POU2AF2: variants seen among roughly 807,000 people sequenced by gnomAD.
The protein encoded by POU2AF2 is POU domain class 2-associating factor 2.
At chr11:111,268,823 C>T in the POU2AF2 span, among the ~76,000 whole-genome samples, 6 of 152,028 alleles carry the variant, frequency 3.9e-5, no homozygotes, top group African/African-American at 1.2e-4. Context: ...GCCGGGATTA[C>T]AGACATGAGC....
At chr11:111,276,453 A>AAAAAAAAAAAATAT in the POU2AF2 span, among the ~76,000 whole-genome samples, 3 of 37,672 alleles carry the variant, frequency 8.0e-5, no homozygotes, top group African/African-American at 1.9e-4. Context: ...AAAAAAAAAA[A>AAAAAAAAAAAATAT]ATATATATAT....
the POU2AF2 span, among the ~76,000 whole-genome samples, chr11:111,264,620 GAGAAGAAAGAAAGAGA>G: frequency 1.4e-5 from 1 of 69,464 alleles, no homozygotes; most frequent in Non-Finnish European, 3.3e-5. Flanking sequence ...AAGAAAGAAA[GAGAAGAAAGAAAGAGA>G]AAGAAAGAGA....
chr11:111,270,933 C>A, the POU2AF2 span, among the ~76,000 whole-genome samples: 3 of 152,178 alleles, frequency 2.0e-5, no homozygotes, highest in Non-Finnish European at 2.9e-5. Context: ...TCACCTATAA[C>A]AACCCATACA....
chr11:111,276,454 A>AAAAATATATATATATG, the POU2AF2 span, among the ~76,000 whole-genome samples: 1 of 19,070 alleles, frequency 5.2e-5, no homozygotes, highest in Non-Finnish European at 1.2e-4. Context: ...AAAAAAAAAA[A>AAAAATATATATATATG]TATATATATA....
At chr11:111,264,500 GAAA>G in the POU2AF2 span, among the ~76,000 whole-genome samples, 6 of 7,168 alleles carry the variant, frequency 8.4e-4, no homozygotes, top group African/African-American at 2.5e-3. Flanking sequence ...ACGAAAGAAA[GAAA>G]GAAAGAAAGA....
the POU2AF2 span, among the ~76,000 whole-genome samples, chr11:111,253,694 C>G: frequency 6.6e-6 from 1 of 152,190 alleles, no homozygotes; most frequent in East Asian, 1.9e-4. Context: ...ATCAAACCAA[C>G]ATCACTGTCT....
At chr11:111,275,863 C>G in the POU2AF2 span, among the ~76,000 whole-genome samples, 6 of 151,920 alleles carry the variant, frequency 3.9e-5, no homozygotes, top group African/African-American at 1.2e-4. Context: ...TATAAAAATT[C>G]AATGTGTGAG....
chr11:111,280,439 G>A, the POU2AF2 span, among the ~76,000 whole-genome samples: 5 of 152,086 alleles, frequency 3.3e-5, no homozygotes, highest in Non-Finnish European at 7.4e-5. Context: ...TACTAAATGC[G>A]AAATTCCAGA....
At chr11:111,257,821 T>C in the POU2AF2 span, among the ~76,000 whole-genome samples, 1 of 152,062 alleles carries the variant, frequency 6.6e-6, no homozygotes, top group African/African-American at 2.4e-5. Flanking sequence ...GGGTGTGTGA[T>C]AAAAATATCA....
At chr11:111,263,026 T>G in the POU2AF2 span, among the ~76,000 whole-genome samples, 1 of 152,216 alleles carries the variant, frequency 6.6e-6, no homozygotes, top group African/African-American at 2.4e-5. Context: ...GATACTTAGT[T>G]ACTTTTTGTG....
chr11:111,252,346 A>G, the POU2AF2 span, among the ~76,000 whole-genome samples: 2 of 152,274 alleles, frequency 1.3e-5, no homozygotes, highest in African/African-American at 2.4e-5. Flanking sequence ...GCCCCACCCT[A>G]GGGTTTCTGA....
the POU2AF2 span, among the ~76,000 whole-genome samples, chr11:111,262,249 T>C: frequency 6.6e-6 from 1 of 152,130 alleles, no homozygotes; most frequent in Non-Finnish European, 1.5e-5. Flanking sequence ...ATGGGAAATT[T>C]TGGGGGAACA....
At chr11:111,246,603 T>C in the POU2AF2 span, among the ~76,000 whole-genome samples, 2 of 152,334 alleles carry the variant, frequency 1.3e-5, no homozygotes, top group South Asian at 2.1e-4. Flanking sequence ...CAAAGTCTGA[T>C]CTCAAAAGGT....
chr11:111,285,914 T>C, the POU2AF2 span: 8 of 1,613,748 alleles, frequency 5.0e-6, no homozygotes, highest in Non-Finnish European at 6.8e-6. Flanking sequence ...CATGACGGTG[T>C]CAAATGACCT....
chr11:111,275,840 A>T, the POU2AF2 span, among the ~76,000 whole-genome samples: 2 of 152,236 alleles, frequency 1.3e-5, no homozygotes, highest in Non-Finnish European at 2.9e-5. Flanking sequence ...ATAAAAAAAT[A>T]TAAAATCATG....
chr11:111,267,071 AC>A, the POU2AF2 span, among the ~76,000 whole-genome samples: 2 of 152,160 alleles, frequency 1.3e-5, no homozygotes, highest in Admixed American at 1.3e-4. Context: ...GTGCCTGTAG[AC>A]TGTTCAAGAG....
the POU2AF2 span, among the ~76,000 whole-genome samples, chr11:111,260,627 A>C: frequency 6.6e-6 from 1 of 152,144 alleles, no homozygotes; most frequent in Non-Finnish European, 1.5e-5. Flanking sequence ...AGGAATATCT[A>C]CCAGTAGCCA....
the POU2AF2 span, among the ~76,000 whole-genome samples, chr11:111,273,052 C>T: frequency 6.6e-6 from 1 of 152,128 alleles, no homozygotes; most frequent in African/African-American, 2.4e-5. Context: ...AAATATATAA[C>T]TCAGATAAGT....
chr11:111,260,434 G>A, the POU2AF2 span, among the ~76,000 whole-genome samples: 1 of 152,150 alleles, frequency 6.6e-6, no homozygotes, highest in Non-Finnish European at 1.5e-5. Context: ...AGTATCTTTA[G>A]AAGAGGCCCT....
Sources: allele counts gnomAD v4.1 joint callset (sites outside exome capture counted in the v4.1 genomes callset), GRCh38; gene constraint gnomAD v4.1.1; transcripts MANE v1.5; gene names NCBI Gene and HGNC (gene_info 2026-07-23, HGNC 2026-07-21).